The following RBM26 variants were observed in gnomAD, a reference collection of about 807,000 sequenced individuals.
RBM26 encodes the protein RNA-binding protein 26.
In RBM26, 30 loss-of-function variants were observed where a neutral mutation model predicts 123.6. The observed-to-expected ratio is 0.24, with a 90% CI of 0.18 to 0.33. The LOEUF is 0.33. RBM26 is among the 10% of genes least tolerant of loss of function. RBM26 has a pLI of 1.00. For missense variants in RBM26, 947 were observed against 1,203.6 expected (o/e 0.79, Z 3.15); for synonymous variants, 400 against 404.4 (o/e 0.99, Z 0.13).
chr13:79,370,657 C>G (rs1173458661), intron 5 of RBM26, among the ~76,000 whole-genome samples: 1 of 152,220 alleles, frequency 6.6e-6, no homozygotes, highest in African/African-American at 2.4e-5. Context: ...TTTTTACATA[C>G]TGCCAAAATG....
At chr13:79,327,845 A>T (rs1480001207) in intron 20 of RBM26, among the ~76,000 whole-genome samples, 1 of 152,130 alleles carries the variant, frequency 6.6e-6, no homozygotes, top group Non-Finnish European at 1.5e-5. Context: ...CTATTTGGGT[A>T]ATGGGTATAC....
chr13:79,334,345 G>A lies in RBM26; in HGVS notation c.2819C>T (p.Ala940Val), dbSNP rs759890763. The change falls in exon 20 of 22, where the codon GCA becomes GTA. Residue 940 changes from alanine (A) to valine (V), a missense_variant and splice_region_variant. Physicochemically the swap from Ala to Val is moderately conservative, Grantham distance 64. Transcript: ENST00000438737. The part of the protein sequence containing the change: ...ITFKTRAEAE[A>V]AAVHGARFKG... The stretch of plus-strand genomic sequence containing the variant: ...TGATAAATTATTTTTAAAACTTACT[G>A]CTTCAGCTTCTGCTCTTGTCTTGAA... 6.0e-6 allele frequency: 9 copies of A among 1,494,390 alleles called. No homozygotes were observed. The highest frequency in any genetic ancestry group is 4.5e-6 in the Non-Finnish European group (5 of 1,101,278). The allele number at this position is 1,494,390 out of a possible 1,614,324, so 92.6% of individuals were successfully genotyped here.
At chr13:79,365,013 G>A (rs1310167405) in intron 9 of RBM26, among the ~76,000 whole-genome samples, 10 of 150,416 alleles carry the variant, frequency 6.6e-5, no homozygotes, top group Non-Finnish European at 1.2e-4. Flanking sequence ...CCAAGAAAAT[G>A]TGCTTCTTTA....
chr13:79,404,980 T>C (rs2079397285), intron 1 of RBM26, among the ~76,000 whole-genome samples: 2 of 152,230 alleles, frequency 1.3e-5, no homozygotes, highest in Admixed American at 6.5e-5. Context: ...TTAAGCACTT[T>C]GGTCCATGTC....
At chr13:79,340,992 T>A (rs1218675579) in intron 18 of RBM26, 131 bp downstream of exon 18, 3 of 521,090 alleles carry the variant, frequency 5.8e-6, no homozygotes, top group African/African-American at 2.0e-5. Context: ...TATATTAACA[T>A]CTCAATATGT....
chr13:79,404,389 C>T (rs1318354668), intron 1 of RBM26, among the ~76,000 whole-genome samples: 2 of 152,220 alleles, frequency 1.3e-5, no homozygotes, highest in Non-Finnish European at 2.9e-5. Flanking sequence ...CTGCCTACAA[C>T]ACACTTCTGA....
chr13:79,325,760 C>T (rs1226878978), intron 20 of RBM26, among the ~76,000 whole-genome samples: 6 of 152,070 alleles, frequency 3.9e-5, no homozygotes, highest in South Asian at 2.1e-4. Context: ...GTCTAAAGTA[C>T]GAGTTTATAA....
At chr13:79,371,305 T>C (rs2075849888) in intron 4 of RBM26, 143 bp from the exon 5 acceptor site, 1 of 666,798 alleles carries the variant, frequency 1.5e-6, no homozygotes, top group Non-Finnish European at 2.5e-6. Flanking sequence ...GAGCTTAATA[T>C]TCAGTACTTT....
chr13:79,373,362 AAT>A (rs1372508275), intron 3 of RBM26, among the ~76,000 whole-genome samples: 1 of 103,924 alleles, frequency 9.6e-6, no homozygotes, highest in African/African-American at 3.9e-5. Context: ...AAAATATATA[AAT>A]ATATAATATA....
chr13:79,400,759 C>T (rs558612049), intron 1 of RBM26, among the ~76,000 whole-genome samples: 140 of 152,180 alleles, frequency 9.2e-4, no homozygotes, highest in African/African-American at 3.3e-3. Context: ...ATGTTATACA[C>T]GCATAGGGCA....
At chr13:79,368,078 T>C (rs1485968951) in intron 6 of RBM26, among the ~76,000 whole-genome samples, 1 of 151,286 alleles carries the variant, frequency 6.6e-6, no homozygotes, top group Non-Finnish European at 1.5e-5. Context: ...CGGGCTAGAG[T>C]GCAGTGGTGC....
chr13:79,373,293 TAAATATATAA>T (rs1449537460), intron 3 of RBM26, among the ~76,000 whole-genome samples: 1 of 108,176 alleles, frequency 9.2e-6, no homozygotes, highest in Non-Finnish European at 1.7e-5. Context: ...TATTTATATA[TAAATATATAA>T]AAATATAAAT....
chr13:79,360,613 TG>T (rs2074566011), intron 9 of RBM26, among the ~76,000 whole-genome samples: 1 of 152,104 alleles, frequency 6.6e-6, no homozygotes, highest in South Asian at 2.1e-4. Flanking sequence ...CAATAATCTT[TG>T]AGAAGTGAAA....
At chr13:79,387,789 T>G (rs1264340147) in intron 1 of RBM26, among the ~76,000 whole-genome samples, 1 of 152,182 alleles carries the variant, frequency 6.6e-6, no homozygotes, top group Non-Finnish European at 1.5e-5. Flanking sequence ...TCAGCACTCA[T>G]GACCAAATTT....
At chr13:79,388,003 A>C (rs1448146037) in intron 1 of RBM26, among the ~76,000 whole-genome samples, 1 of 152,244 alleles carries the variant, frequency 6.6e-6, no homozygotes, top group Non-Finnish European at 1.5e-5. Context: ...TGTATTGAGA[A>C]GGAGCTTCTA....
chr13:79,319,055 G>A lies in RBM26; in HGVS notation c.*1566C>T, dbSNP rs535621525. On this transcript the variant is annotated 3_prime_UTR_variant, in exon 22 of 22. Transcript: ENST00000438737. ...TGATTTTGAAATTTTAAATATAAAC[G>A]TAGACACGAATTGCAAGGCAAAGCA... 187 of 984,040 alleles carry A rather than the reference G, an allele frequency of 1.9e-4. No individual in the cohort carries two copies. In the Middle Eastern group the frequency reaches 5.2e-3, roughly 28 times the overall value. 61.0% of individuals were successfully genotyped at this position (984,040 alleles called of 1,614,324 possible).
intron 14 of RBM26, among the ~76,000 whole-genome samples, chr13:79,347,380 TGA>T: frequency 6.6e-6 from 1 of 152,192 alleles, no homozygotes; most frequent in East Asian, 1.9e-4. Context: ...TGTAAAAATG[TGA>T]CTTATAAACA....
intron 10 of RBM26, 107 bp from the exon 11 acceptor site, chr13:79,358,540 C>T: frequency 1.1e-6 from 1 of 880,508 alleles, no homozygotes; most frequent in Non-Finnish European, 1.7e-6. Flanking sequence ...TTCAATTTTC[C>T]CCCAAACTGA....
chr13:79,344,388 G>A (rs972440834), intron 15 of RBM26, 66 bp from the exon 16 acceptor site: 2 of 1,256,832 alleles, frequency 1.6e-6, no homozygotes, highest in African/African-American at 3.0e-5. Context: ...TTCAAGAGAA[G>A]AGAAATAGTT....
Sources: allele counts gnomAD v4.1 joint callset (sites outside exome capture counted in the v4.1 genomes callset), GRCh38; gene constraint gnomAD v4.1.1; transcripts MANE v1.5; gene names NCBI Gene and HGNC (gene_info 2026-07-23, HGNC 2026-07-21).